CELF1: variants seen among roughly 807,000 people sequenced by gnomAD.
CELF1 encodes the protein CUGBP Elav-like family member 1.
A neutral mutation model predicts 61.8 loss-of-function variants in CELF1; 10 were observed. The ratio of observed to expected loss-of-function variants is 0.16; its 90% CI spans 0.10 to 0.27. The LOEUF is 0.27. Ranked by LOEUF, CELF1 falls within the 10% of genes least tolerant of loss-of-function variation. The probability of loss-of-function intolerance (pLI) is 1.00; values close to 1 mark genes in which losing one functional copy is unlikely to be tolerated. For synonymous variants in CELF1, 236 were observed against 225.1 expected (o/e 1.05, Z -0.43); for missense variants, 380 against 639.1 (o/e 0.59, Z 4.37).
intron 8 of CELF1, 25 bp downstream of exon 8, chr11:47,483,428 T>C (rs1317006298): frequency 6.3e-7 from 1 of 1,597,110 alleles, no homozygotes; most frequent in Non-Finnish European, 8.6e-7. Context: ...TGAGGAATTT[T>C]CCCCATCACC....
In CELF1 at chr11:47,475,471, T is replaced by C; in HGVS notation, c.1138A>G (p.Thr380Ala). 1.2e-6 allele frequency: 2 copies of C among 1,614,022 alleles called. No individual in the cohort carries two copies. The highest frequency in any genetic ancestry group is 1.7e-6 in the Non-Finnish European group (2 of 1,180,038). ...GLGSSGLSNG[T>A]GSTMEALTQA... The stretch of plus-strand genomic sequence containing the variant: ...GTGAGGGCCTCCATGGTGCTCCCGG[T>C]GCCATTGGAAAGGCCACTGCTGCCC... The change falls in exon 13 of 15, where the codon ACC becomes GCC. Residue 380 changes from threonine (T) to alanine (A), a missense_variant. By Grantham distance (58) the Thr-to-Ala change is moderately conservative. Transcript: ENST00000687097.
intron 13 of CELF1, among the ~76,000 whole-genome samples, chr11:47,473,901 CTTTTTTTTT>C (rs2153371598): frequency 1.1e-5 from 1 of 90,378 alleles, no homozygotes; most frequent in Non-Finnish European, 2.0e-5. Context: ...CAATGATTTT[CTTTTTTTTT>C]CTTTCTTTTT....
chr11:47,504,902 C>CAAA (rs374401044), intron 1 of CELF1, among the ~76,000 whole-genome samples: 18 of 107,908 alleles, frequency 1.7e-4, no homozygotes, highest in African/African-American at 5.4e-4. Flanking sequence ...ACTCTGTCAC[C>CAAA]AAAAAAAAAA....
At chr11:47,533,635 A>AATAAATACATACATACATAC (rs111856198) in intron 1 of CELF1, among the ~76,000 whole-genome samples, 5 of 148,744 alleles carry the variant, frequency 3.4e-5, no homozygotes, top group Non-Finnish European at 7.4e-5. Flanking sequence ...AAAATAAATA[A>AATAAATACATACATACATAC]ATACATACAT....
chr11:47,498,689 CCTT>C lies in CELF1; in HGVS notation c.71+761_71+763del, dbSNP rs1255981341. Among the ~76,000 whole-genome samples the C allele has an allele frequency of 2.6e-5, 4 of 152,264 alleles. No individual in the cohort carries two copies. The East Asian group carries it at 7.7e-4, about 29-fold the overall frequency. On this transcript the variant is annotated intron_variant, in intron 3 of 14. Coordinates refer to ENST00000687097, the MANE Select transcript of CELF1 (RefSeq NM_001376376.1). ...CTGAAATCAGGGGTTGGAAATGTGT[CCTT>C]CTCTACAAAGTCCAGAATTCAGGTT... is the stretch of plus-strand genomic sequence containing the variant.
At chr11:47,529,435 C>A (rs1013062493) in intron 1 of CELF1, among the ~76,000 whole-genome samples, 1 of 152,058 alleles carries the variant, frequency 6.6e-6, no homozygotes, top group African/African-American at 2.4e-5. Flanking sequence ...GCCTGTAATC[C>A]CAGCACGTTG....
In CELF1 at chr11:47,482,788, G is replaced by A. The variant is rs759423999; in HGVS notation, c.675C>T (p.Ala225=). The change falls in exon 9 of 15, where the codon GCC becomes GCT. Residue 225 remains alanine, a synonymous_variant. Coordinates refer to ENST00000687097, the MANE Select transcript of CELF1 (RefSeq NM_001376376.1). ...GCTGCATCTGCTGCTGGAGCTGCTG[G>A]GCCATTCTCTTCTGTTCTTTGTCCT... ...TQKDKEQKRM[A]QQLQQQMQQI... The A allele has an allele frequency of 1.2e-6, 2 of 1,614,000 alleles. No individual in the cohort carries two copies. Among genetic ancestry groups the A allele is most frequent in the Non-Finnish European group, 1.7e-6 (2 of 1,179,952 alleles).
At chr11:47,558,631 TATA>T (rs1159632123) in intron 2 of CELF1, among the ~76,000 whole-genome samples, 5 of 112,684 alleles carry the variant, frequency 4.4e-5, no homozygotes, top group East Asian at 2.1e-4. Context: ...TAATATATAA[TATA>T]ATGTGTAATA....
chr11:47,468,113 C>T lies in CELF1; in HGVS notation c.*4117G>A, dbSNP rs2076975285. ...AACAACAACAAAAAAATCAAAGCAT[C>T]ACATTTTGCTGTGGAGACTGTTGGA... On this transcript the variant is annotated 3_prime_UTR_variant, in exon 15 of 15. Transcript: ENST00000687097. 6.6e-6 allele frequency: 1 copy of T among 152,102 alleles called. No homozygotes were observed. The highest frequency in any genetic ancestry group is 2.4e-5 in the African/African-American group (1 of 41,414). The allele number at this position is 152,102 out of a possible 1,614,324, so 9.4% of individuals were successfully genotyped here. A position where few individuals can be genotyped will look rare whatever the true frequency, so the allele number is the denominator to read the frequency against.
chr11:47,476,716 A>G (rs530729381), intron 12 of CELF1, 130 bp downstream of exon 12: 43 of 713,016 alleles, frequency 6.0e-5, no homozygotes, highest in South Asian at 1.5e-4. Context: ...GTGAGCCACC[A>G]CACCTGGCCC....
chr11:47,476,244 G>A (rs2080082859), intron 12 of CELF1, among the ~76,000 whole-genome samples: 1 of 152,040 alleles, frequency 6.6e-6, no homozygotes, highest in Admixed American at 6.6e-5. Context: ...CCCCTGCTTT[G>A]GCCTCCCAAA....
chr11:47,539,054 AAAAC>A (rs2096709130), intron 1 of CELF1, among the ~76,000 whole-genome samples: 2 of 152,328 alleles, frequency 1.3e-5, no homozygotes, highest in African/African-American at 4.8e-5. Flanking sequence ...TCAGGAAACT[AAAAC>A]AAACGCCACT....
intron 1 of CELF1, among the ~76,000 whole-genome samples, chr11:47,543,772 G>C (rs1190455220): frequency 6.6e-6 from 1 of 151,212 alleles, no homozygotes; most frequent in Middle Eastern, 3.2e-3. Flanking sequence ...AAAAAAAAAA[G>C]AAAGCTGTTT....
rs116340313 is a variant in CELF1, at chr11:47,549,295, G to C, written c.-154+3697C>G. The stretch of plus-strand genomic sequence containing the variant: ...AAAATTAAAAACAGAATTATCACTT[G>C]ATCCAGCAATCCCACTTTGGGGTAT... On this transcript the variant is annotated intron_variant, in intron 1 of 14. Coordinates refer to ENST00000687097, the MANE Select transcript of CELF1 (RefSeq NM_001376376.1). Among the ~76,000 whole-genome samples the C allele has an allele frequency of 8.1e-4, 124 of 152,256 alleles. 1 individual carries two copies. The highest frequency in any genetic ancestry group is 3.4e-3 in the Middle Eastern group (1 of 294).
Position 47,470,304 on chromosome 11 carries a change from CTTTT to C in CELF1, c.*1922_*1925del. ...TTTTTTTCTTTTTTTTTTTTGTTTTCTTTTTTCTTTTTTATTTTTATTTTTTGCA... is the reference window on the plus strand; with the variant it reads ...TTTTTTTCTTTTTTTTTTTTGTTTTCTTCTTTTTTATTTTTATTTTTTGCA... On this transcript the variant is annotated 3_prime_UTR_variant, in exon 15 of 15. Transcript: ENST00000687097. 1 of 147,158 alleles carries C rather than the reference CTTTT, an allele frequency of 6.8e-6. No individual in the cohort carries two copies. The highest frequency in any genetic ancestry group is 2.1e-4 in the South Asian group (1 of 4,660). The allele number at this position is 147,158 out of a possible 1,614,324, so 9.1% of individuals were successfully genotyped here. A position where few individuals can be genotyped will look rare whatever the true frequency, so the allele number is the denominator to read the frequency against.
At chr11:47,561,461 A>AG (rs2097225275) in intron 2 of CELF1, among the ~76,000 whole-genome samples, 1 of 151,400 alleles carries the variant, frequency 6.6e-6, no homozygotes, top group Admixed American at 6.6e-5. Flanking sequence ...AAAAAAAAAA[A>AG]AAAAGTTTAT....
intron 14 of CELF1, 106 bp from the exon 15 acceptor site, chr11:47,472,463 T>C: frequency 7.9e-7 from 1 of 1,264,898 alleles, no homozygotes; most frequent in East Asian, 2.3e-5. Flanking sequence ...ATCCCAATTT[T>C]ATTCAGCAGG....
chr11:47,532,035 A>ATT (rs565261366), intron 1 of CELF1, among the ~76,000 whole-genome samples: 4 of 145,004 alleles, frequency 2.8e-5, no homozygotes, highest in Admixed American at 1.4e-4. Context: ...TCTTATTTTT[A>ATT]TTTTTTTTTT....
intron 3 of CELF1, among the ~76,000 whole-genome samples, chr11:47,489,932 C>CTTATTTTTTT (rs530410346): frequency 4.3e-5 from 1 of 23,478 alleles, no homozygotes; most frequent in Non-Finnish European, 9.0e-5. Flanking sequence ...AACATACCAT[C>CTTATTTTTTT]TTGTTTTTTT....
Sources: gnomAD v4.1 joint callset for allele counts (sites outside exome capture counted in the v4.1 genomes callset) on GRCh38, gnomAD v4.1.1 for gene constraint, MANE v1.5 for transcripts, NCBI Gene and HGNC (gene_info 2026-07-23, HGNC 2026-07-21) for gene names.